PTPRD: variants seen among roughly 807,000 people sequenced by gnomAD.
PTPRD encodes receptor-type tyrosine-protein phosphatase delta.
A neutral mutation model predicts 214.5 loss-of-function variants in PTPRD; 34 were observed. That is an observed-to-expected ratio of 0.16 (90% CI 0.12 to 0.21). The LOEUF (loss-of-function observed/expected upper bound fraction) is 0.21. PTPRD is among the 10% of genes least tolerant of loss of function. The pLI is 1.00. For missense variants in PTPRD, 2,545 were observed against 2,398.7 expected, an observed-to-expected ratio of 1.06 and a Z score of -1.27; for synonymous variants, 1,128 against 845.7, an observed-to-expected ratio of 1.33 and a Z score of -5.79.
intron 6 of PTPRD, among the ~76,000 whole-genome samples, chr9:9,742,769 T>C (rs556273593): frequency 6.6e-6 from 1 of 152,342 alleles, no homozygotes; most frequent in Admixed American, 6.5e-5. Flanking sequence ...ATATCAACTC[T>C]TTCCTTCCTC....
At chr9:10,426,145 G>C (rs771485250) in intron 2 of PTPRD, among the ~76,000 whole-genome samples, 9 of 151,834 alleles carry the variant, frequency 5.9e-5, no homozygotes, top group Non-Finnish European at 1.0e-4. Context: ...ACCTTCCCTT[G>C]CATGTGAATA....
chr9:8,747,047 C>T (rs2092903429), intron 11 of PTPRD, among the ~76,000 whole-genome samples: 1 of 152,104 alleles, frequency 6.6e-6, no homozygotes, highest in Non-Finnish European at 1.5e-5. Flanking sequence ...GATCAAGCCC[C>T]AAATTAAAAT....
Position 9,947,574 on chromosome 9 carries a change from AT to A in PTPRD, c.-471-8965del, listed in dbSNP as rs1566624287. On this transcript the variant is annotated intron_variant, in intron 4 of 45. Transcript: ENST00000381196. Reference sequence around the variant, plus strand: ...TATTATATATATATTTTATATATATATTATATATATATTATATATATAATAT... The same window carrying A: ...TATTATATATATATTTTATATATATATATATATATATTATATATATAATAT... Among the ~76,000 whole-genome samples, 466 of 47,534 alleles carry A rather than the reference AT, an allele frequency of 9.8e-3. 8 individuals carry two copies. Among genetic ancestry groups the A allele is most frequent in the Non-Finnish European group, 0.013 (386 of 29,254 alleles). The allele number at this position is 47,534 out of a possible 152,430, so 31.2% of individuals were successfully genotyped here. A position where few individuals can be genotyped will look rare whatever the true frequency, so the allele number is the denominator to read the frequency against.
chr9:9,792,480 T>A (rs1179041118), intron 5 of PTPRD, among the ~76,000 whole-genome samples: 4 of 152,198 alleles, frequency 2.6e-5, no homozygotes, highest in African/African-American at 9.6e-5. Flanking sequence ...AATTTTTGTA[T>A]GTGTGAAAAT....
chr9:9,660,337 G>T (rs2096598949), intron 7 of PTPRD, among the ~76,000 whole-genome samples: 2 of 151,938 alleles, frequency 1.3e-5, no homozygotes, highest in South Asian at 2.1e-4. Flanking sequence ...GGAGGTAAGG[G>T]GGCAAGCAAG....
At chr9:9,595,644 C>A (rs1327763702) in intron 7 of PTPRD, among the ~76,000 whole-genome samples, 2 of 151,776 alleles carry the variant, frequency 1.3e-5, no homozygotes, top group African/African-American at 4.8e-5. Flanking sequence ...GCCTTTGCCG[C>A]AACCTCAATG....
At chr9:9,676,749 A>G (rs1483384335) in intron 7 of PTPRD, among the ~76,000 whole-genome samples, 2 of 152,128 alleles carry the variant, frequency 1.3e-5, no homozygotes, top group Non-Finnish European at 2.9e-5. Flanking sequence ...ACCAACGTGT[A>G]AAAGTGTTCC....
chr9:10,432,020 G>C (rs188800858), intron 2 of PTPRD, among the ~76,000 whole-genome samples: 1 of 151,814 alleles, frequency 6.6e-6, no homozygotes, highest in Non-Finnish European at 1.5e-5. Flanking sequence ...CAATAGCAAA[G>C]ACTTGAAACC....
chr9:10,210,819 A>G (rs1315447229), intron 3 of PTPRD, among the ~76,000 whole-genome samples: 4 of 70,152 alleles, frequency 5.7e-5, no homozygotes, highest in African/African-American at 3.2e-4. Context: ...ATATATATAT[A>G]TATGTATGTA....
At chr9:10,276,927 C>G (rs373117008) in intron 3 of PTPRD, among the ~76,000 whole-genome samples, 2 of 152,098 alleles carry the variant, frequency 1.3e-5, no homozygotes, top group African/African-American at 4.8e-5. Flanking sequence ...AAATGTAATG[C>G]GAGAACATAT....
Position 8,317,878 on chromosome 9 carries a change from G to T in PTPRD, c.5735C>A (p.Thr1912Lys). ...TCCAGAATGGGTCAGGGGTTTCTACGTTGCATAGTGGTCAAAGCTGCCCAG... is the reference window on the plus strand; with the variant it reads ...TCCAGAATGGGTCAGGGGTTTCTACTTTGCATAGTGGTCAAAGCTGCCCAG... Reference protein sequence around the residue: ...EYLGSFDHYAT With the variant: ...EYLGSFDHYAK The change falls in exon 46 of 46, where the codon ACG becomes AAG. Residue 1912 changes from threonine (T) to lysine (K), a missense_variant. Transcript: ENST00000381196. 1.2e-6 allele frequency: 2 copies of T among 1,612,066 alleles called. No individual in the cohort carries two copies. The highest frequency in any genetic ancestry group is 2.2e-5 in the South Asian group (2 of 91,042).
In PTPRD at chr9:9,084,303, C is replaced by A. The variant is rs532507222; in HGVS notation, c.-142-65568G>T. On this transcript the variant is annotated intron_variant, in intron 10 of 45. Coordinates refer to ENST00000381196, the MANE Select transcript of PTPRD (RefSeq NM_002839.4). ...CATTCTCAGCAAACTAATACAGGAA[C>A]AGAAAACCAAACACCGCATGTTCTC... Among the ~76,000 whole-genome samples, 2 of 152,180 alleles carry A rather than the reference C, an allele frequency of 1.3e-5. 1 individual carries two copies. Among genetic ancestry groups the A allele is most frequent in the East Asian group, 3.9e-4 (2 of 5,176 alleles).
At chr9:9,785,406 A>G (rs148611628) in intron 5 of PTPRD, among the ~76,000 whole-genome samples, 1 of 152,200 alleles carries the variant, frequency 6.6e-6, no homozygotes, top group South Asian at 2.1e-4. Flanking sequence ...GACAAAGTAT[A>G]TATCATTATC....
intron 2 of PTPRD, among the ~76,000 whole-genome samples, chr9:10,343,988 T>G (rs1350325851): frequency 1.4e-5 from 2 of 138,488 alleles, no homozygotes; most frequent in Admixed American, 7.1e-5. Context: ...GTTTTTTTTT[T>G]TTTTTTTTTT....
At chr9:9,545,074 T>C (rs946349698) in intron 8 of PTPRD, among the ~76,000 whole-genome samples, 3 of 151,676 alleles carry the variant, frequency 2.0e-5, no homozygotes, top group African/African-American at 7.3e-5. Context: ...ATGGATAAGG[T>C]TGCCCCCATT....
chr9:10,389,285 A>C (rs16925941), intron 2 of PTPRD, among the ~76,000 whole-genome samples: 7,369 of 151,972 alleles, frequency 0.048, 264 homozygotes, highest in South Asian at 0.15. Flanking sequence ...TTATTGACAC[A>C]ATGAAATGCT....
Position 8,331,695 on chromosome 9 carries a change from G to T in PTPRD, c.5421C>A (p.Asp1807Glu). The T allele has an allele frequency of 3.1e-6, 5 of 1,613,156 alleles. No homozygotes were observed. Among genetic ancestry groups the T allele is most frequent in the Non-Finnish European group, 4.2e-6 (5 of 1,179,680 alleles). The change falls in exon 44 of 46, where the codon GAC (aspartate) becomes GAA (glutamate). Residue 1807 changes from aspartate to glutamate, a missense_variant. Physicochemically the swap from Asp to Glu is conservative, Grantham distance 45. Coordinates refer to ENST00000381196, the MANE Select transcript of PTPRD (RefSeq NM_002839.4). ...SRTVRQFQFTDWPEQGVPKSG... is the reference protein window; with the variant it reads ...SRTVRQFQFTEWPEQGVPKSG... ...ACTTTGGCACTCCTTGCTCTGGCCA[G>T]TCAGTGAACTGGAACTGCCTTACTG...
At chr9:8,668,473 A>C (rs1001081506) in intron 12 of PTPRD, among the ~76,000 whole-genome samples, 27 of 152,362 alleles carry the variant, frequency 1.8e-4, no homozygotes, top group African/African-American at 6.5e-4. Context: ...AGATTAAGCC[A>C]AACTGTATGG....
intron 9 of PTPRD, among the ~76,000 whole-genome samples, chr9:9,336,126 C>A (rs1003531940): frequency 1.3e-5 from 2 of 150,880 alleles, no homozygotes; most frequent in Non-Finnish European, 2.9e-5. Context: ...CGGAGAAATG[C>A]AAAGATATAA....
Sources: allele counts gnomAD v4.1 joint callset (sites outside exome capture counted in the v4.1 genomes callset), GRCh38; gene constraint gnomAD v4.1.1; transcripts MANE v1.5; gene names NCBI Gene and HGNC (gene_info 2026-07-23, HGNC 2026-07-21).